The following CALN1 variants were observed in gnomAD, a reference collection of about 807,000 sequenced individuals.
The protein encoded by CALN1 is calcium-binding protein 8.
Under a neutral mutation model 30.6 loss-of-function variants are expected in CALN1, and 17 were observed. The observed-to-expected ratio is 0.56, with a 90% CI of 0.38 to 0.83. The LOEUF is 0.83. Among genes scored for constraint, CALN1 ranks in the 40% least tolerant of loss-of-function variants. The pLI is 0.00. For synonymous variants in CALN1, 156 were observed against 131.4 expected, an observed-to-expected ratio of 1.19 and a Z score of -1.28; for missense variants, 291 against 354.9, an observed-to-expected ratio of 0.82 and a Z score of 1.45.
intron 3 of CALN1, among the ~76,000 whole-genome samples, chr7:72,194,907 T>C (rs1191245248): frequency 6.6e-6 from 1 of 151,974 alleles, no homozygotes; most frequent in Non-Finnish European, 1.5e-5. Context: ...CTCTATTCTG[T>C]CCTCCACAAT....
At chr7:72,089,794 C>G (rs1413686903) in intron 4 of CALN1, among the ~76,000 whole-genome samples, 1 of 152,036 alleles carries the variant, frequency 6.6e-6, no homozygotes, top group African/African-American at 2.4e-5. Context: ...GGAAGTAAAT[C>G]CAGGAAGTAA....
intron 2 of CALN1, among the ~76,000 whole-genome samples, chr7:72,332,016 C>G (rs1308798936): frequency 6.6e-6 from 1 of 152,186 alleles, no homozygotes; most frequent in East Asian, 1.9e-4. Context: ...CATGTCCCTG[C>G]AAAGGACATG....
intron 2 of CALN1, among the ~76,000 whole-genome samples, chr7:72,388,672 CCT>C (rs1456471405): frequency 6.6e-6 from 1 of 152,084 alleles, no homozygotes. Flanking sequence ...CCATCTGTGC[CCT>C]CTCCCTAAAA....
chr7:71,864,160 C>T lies in CALN1; in HGVS notation c.502-53668G>A, dbSNP rs771009165. Among the ~76,000 whole-genome samples, 7 of 152,274 alleles carry T rather than the reference C, an allele frequency of 4.6e-5. No homozygotes were observed. The South Asian group carries it at 6.2e-4, about 14-fold the overall frequency. ...AGAAAAAAAATATAATTTTCCTTCC[C>T]GCTGTGGTAGACAGAATTTTAAGAT... On this transcript the variant is annotated intron_variant, in intron 5 of 6. Transcript: ENST00000395275.
At chr7:72,333,412 T>C (rs936906049) in intron 2 of CALN1, among the ~76,000 whole-genome samples, 2 of 152,232 alleles carry the variant, frequency 1.3e-5, no homozygotes, top group African/African-American at 2.4e-5. Context: ...CCAGGTTGGA[T>C]GCAACAATGG....
At chr7:72,428,630 C>T (rs891819882) in intron 1 of CALN1, among the ~76,000 whole-genome samples, 1 of 152,068 alleles carries the variant, frequency 6.6e-6, no homozygotes, top group Non-Finnish European at 1.5e-5. Context: ...CTGCTGCTGG[C>T]GTGAGGCCAG....
intron 3 of CALN1, among the ~76,000 whole-genome samples, chr7:72,218,893 G>A (rs971841507): frequency 2.6e-5 from 4 of 152,134 alleles, no homozygotes; most frequent in Admixed American, 2.6e-4. Context: ...ATCTGATCTG[G>A]CCGGCAGGTA....
chr7:71,910,775 G>A (rs6964517), intron 5 of CALN1, among the ~76,000 whole-genome samples: 2 of 151,822 alleles, frequency 1.3e-5, no homozygotes, highest in Non-Finnish European at 2.9e-5. Context: ...TTCCTGCACC[G>A]TTTTTTTCTC....
chr7:72,132,824 C>T (rs962209284), intron 3 of CALN1, among the ~76,000 whole-genome samples: 3 of 152,128 alleles, frequency 2.0e-5, no homozygotes, highest in African/African-American at 7.2e-5. Context: ...CCCCAACCCC[C>T]AGGCTACGGA....
chr7:71,823,525 C>T (rs2116339366), intron 5 of CALN1, among the ~76,000 whole-genome samples: 1 of 152,212 alleles, frequency 6.6e-6, no homozygotes, highest in South Asian at 2.1e-4. Context: ...CGAGACCAGC[C>T]TGGCCAATAT....
chr7:72,101,524 A>G (rs1409399811), intron 4 of CALN1, among the ~76,000 whole-genome samples: 2 of 152,168 alleles, frequency 1.3e-5, no homozygotes, highest in Admixed American at 6.5e-5. Context: ...TTGGGAGAAC[A>G]AGCTGAGAAC....
chr7:72,298,137 T>C (rs369956403), intron 2 of CALN1, among the ~76,000 whole-genome samples: 3 of 152,342 alleles, frequency 2.0e-5, no homozygotes, highest in East Asian at 3.9e-4. Flanking sequence ...CAATCTTTGT[T>C]AAAATGTCAT....
intron 2 of CALN1, among the ~76,000 whole-genome samples, chr7:72,388,439 G>A (rs1353451656): frequency 2.0e-5 from 3 of 151,960 alleles, no homozygotes. Context: ...AGGACATTAA[G>A]TACAAACCCG....
At chr7:72,141,134 A>T (rs1172271997) in intron 3 of CALN1, among the ~76,000 whole-genome samples, 2 of 152,060 alleles carry the variant, frequency 1.3e-5, no homozygotes, top group Non-Finnish European at 2.9e-5. Flanking sequence ...ACAATTATCC[A>T]ATAGAAAAAT....
Position 71,925,284 on chromosome 7 carries a change from CAAGAA to C in CALN1, c.501+98368_501+98372del, listed in dbSNP as rs71092934. Among the ~76,000 whole-genome samples the C allele has an allele frequency of 4.6e-3, 698 of 151,224 alleles. 6 individuals carry two copies. The highest frequency in any genetic ancestry group is 0.015 in the African/African-American group (630 of 41,196). ...AAAGAAAAGCAAGCAAGCAAGCAAGCAAGAAAAGAAAAGAAAAGAAAGAAGAAAGA... is the reference window on the plus strand; with the variant it reads ...AAAGAAAAGCAAGCAAGCAAGCAAGCAAGAAAAGAAAAGAAAGAAGAAAGA... On this transcript the variant is annotated intron_variant, in intron 5 of 6. Transcript: ENST00000395275.
rs150290641 is a variant in CALN1 at position 72,410,488 on chromosome 7, A to G, written c.-74+1570T>C. On this transcript the variant is annotated intron_variant, in intron 1 of 6. Transcript: ENST00000395275. ...CCTATCTCTGCCCAAAACCAATTAG[A>G]TATCACGGAAATAAAATATATACAC... 2.1e-3 allele frequency among the ~76,000 whole-genome samples: 317 copies of G among 152,330 alleles called. 1 individual carries two copies. Among genetic ancestry groups the G allele is most frequent in the Admixed American group, 5.2e-4 (8 of 15,298 alleles).
At chr7:72,246,451 C>T (rs554410395) in intron 3 of CALN1, among the ~76,000 whole-genome samples, 1 of 152,264 alleles carries the variant, frequency 6.6e-6, no homozygotes, top group Admixed American at 6.5e-5. Flanking sequence ...TGGGAAGCCC[C>T]AGGAGCTGCC....
intron 1 of CALN1, among the ~76,000 whole-genome samples, chr7:72,403,748 G>T (rs1007225193): frequency 1.1e-4 from 16 of 152,192 alleles, no homozygotes; most frequent in African/African-American, 3.9e-4. Flanking sequence ...GCAGTGTGGA[G>T]AAAGCTATAG....
At chr7:72,233,493 A>G (rs1794255663) in intron 3 of CALN1, among the ~76,000 whole-genome samples, 1 of 152,152 alleles carries the variant, frequency 6.6e-6, no homozygotes, top group South Asian at 2.1e-4. Context: ...AGGCAGGAGG[A>G]TCACTTGAGA....
Sources: gnomAD v4.1 joint callset for allele counts (sites outside exome capture counted in the v4.1 genomes callset) on GRCh38, gnomAD v4.1.1 for gene constraint, MANE v1.5 for transcripts, NCBI Gene and HGNC (gene_info 2026-07-23, HGNC 2026-07-21) for gene names.